AK4: variants seen among roughly 807,000 people sequenced by gnomAD.
AK4 encodes adenylate kinase 4, mitochondrial.
AK4 carries 13 observed loss-of-function variants against 24.6 expected under a neutral mutation model. That is an observed-to-expected ratio of 0.53 (90% CI 0.34 to 0.84). The LOEUF is 0.84. Ranked by LOEUF, AK4 falls within the 40% of genes least tolerant of loss-of-function variation. The pLI is 0.01. For synonymous variants in AK4, 88 were observed against 107.0 expected, an observed-to-expected ratio of 0.82 and a Z score of 1.10; for missense variants, 192 against 288.2, an observed-to-expected ratio of 0.67 and a Z score of 2.42.
intron 1 of AK4, among the ~76,000 whole-genome samples, chr1:65,156,284 C>T (rs1009437313): frequency 7.2e-5 from 11 of 152,032 alleles, no homozygotes; most frequent in African/African-American, 2.7e-4. Context: ...CTGCTTTTAA[C>T]TTTTTTTGGA....
At chr1:65,211,226 G>T (rs1028287236) in intron 2 of AK4, among the ~76,000 whole-genome samples, 11 of 141,216 alleles carry the variant, frequency 7.8e-5, no homozygotes, top group Middle Eastern at 3.5e-3. Flanking sequence ...CTCTGCAGAA[G>T]AGAATGAGAC....
In AK4 at chr1:65,230,529, A is replaced by G. The variant is rs544290693; in HGVS notation, c.*4352A>G. 1.1e-4 allele frequency: 16 copies of G among 152,218 alleles called. No individual in the cohort carries two copies. Among genetic ancestry groups the G allele is most frequent in the Non-Finnish European group, 2.2e-4 (15 of 68,042 alleles). The allele number at this position is 152,218 out of a possible 1,614,324, so 9.4% of individuals were successfully genotyped here. A position where few individuals can be genotyped will look rare whatever the true frequency, so the allele number is the denominator to read the frequency against. ...GTTTACTTCATGTTAGGCACATTAC[A>G]TGCATTGGCTAATCAAATCCTCATC... On this transcript the variant is annotated 3_prime_UTR_variant, in exon 5 of 5. Coordinates refer to ENST00000327299, the MANE Select transcript of AK4 (RefSeq NM_013410.4).
intron 2 of AK4, among the ~76,000 whole-genome samples, chr1:65,194,470 T>A (rs1359064462): frequency 6.6e-6 from 1 of 152,144 alleles, no homozygotes; most frequent in African/African-American, 2.4e-5. Flanking sequence ...CTTGAGTAAT[T>A]TCTTTTTTTT....
chr1:65,156,104 C>T (rs979300201), intron 1 of AK4, among the ~76,000 whole-genome samples: 4 of 152,140 alleles, frequency 2.6e-5, no homozygotes, highest in Non-Finnish European at 5.9e-5. Context: ...GTTAAGTACT[C>T]ATGTATAATT....
chr1:65,186,502 C>G (rs886081912), intron 1 of AK4, among the ~76,000 whole-genome samples: 5 of 152,126 alleles, frequency 3.3e-5, no homozygotes, highest in Non-Finnish European at 7.3e-5. Flanking sequence ...GGCATTGAAC[C>G]AACTGTTTTA....
chr1:65,148,327 C>A lies in AK4; in HGVS notation c.-81C>A. 6.8e-7 allele frequency: 1 copy of A among 1,472,014 alleles called. No homozygotes were observed. The highest frequency in any genetic ancestry group is 9.0e-7 in the Non-Finnish European group (1 of 1,110,712). 91.2% of individuals were successfully genotyped at this position (1,472,014 alleles called of 1,614,324 possible). A position where few individuals can be genotyped will look rare whatever the true frequency, so the allele number is the denominator to read the frequency against. On this transcript the variant is annotated 5_prime_UTR_variant, in exon 1 of 5. Coordinates refer to ENST00000327299, the MANE Select transcript of AK4 (RefSeq NM_013410.4). ...AGCGGAGGGTGCCAGAGGTAGGGGGCCGAGAAACAAAGTTCCCGGGGCTTC... is the reference window on the plus strand; with the variant it reads ...AGCGGAGGGTGCCAGAGGTAGGGGGACGAGAAACAAAGTTCCCGGGGCTTC...
intron 1 of AK4, among the ~76,000 whole-genome samples, chr1:65,172,063 G>GTGTATATATATATATATA (rs1433940516): frequency 7.6e-5 from 5 of 65,746 alleles, no homozygotes; most frequent in Non-Finnish European, 1.6e-4. Flanking sequence ...TCCATCTCAA[G>GTGTATATATATATATATA]TATATATATA....
chr1:65,203,528 G>A (rs1333072407), intron 2 of AK4, among the ~76,000 whole-genome samples: 3 of 152,062 alleles, frequency 2.0e-5, no homozygotes, highest in South Asian at 2.1e-4. Context: ...TCTTGGCCTG[G>A]CGCGATGGCT....
At chr1:65,189,270 A>G (rs1419212969) in intron 1 of AK4, among the ~76,000 whole-genome samples, 4 of 146,582 alleles carry the variant, frequency 2.7e-5, no homozygotes, top group Non-Finnish European at 5.9e-5. Context: ...TGGTCTGTTG[A>G]GAATGTGATT....
At chr1:65,211,476 C>G (rs766286272) in intron 2 of AK4, among the ~76,000 whole-genome samples, 1 of 152,200 alleles carries the variant, frequency 6.6e-6, no homozygotes, top group Non-Finnish European at 1.5e-5. Context: ...GTTTTCTGTT[C>G]AGGAGGAAGA....
At chr1:65,189,347 C>T (rs1300786192) in intron 1 of AK4, among the ~76,000 whole-genome samples, 4 of 140,694 alleles carry the variant, frequency 2.8e-5, no homozygotes, top group Non-Finnish European at 3.1e-5. Context: ...GGCTCAATCT[C>T]GGCTCACTGC....
At chr1:65,208,501 T>C (rs1454239566) in intron 2 of AK4, among the ~76,000 whole-genome samples, 1 of 152,176 alleles carries the variant, frequency 6.6e-6, no homozygotes, top group Admixed American at 6.6e-5. Flanking sequence ...AGTGATTGAT[T>C]GTCATGAACA....
intron 1 of AK4, among the ~76,000 whole-genome samples, chr1:65,190,161 T>G (rs191018832): frequency 6.6e-6 from 1 of 152,222 alleles, no homozygotes; most frequent in East Asian, 1.9e-4. Context: ...AGCTTTTTTA[T>G]GTACCATCCT....
At chr1:65,223,277 C>T (rs1652350202) in intron 3 of AK4, among the ~76,000 whole-genome samples, 1 of 152,058 alleles carries the variant, frequency 6.6e-6, no homozygotes, top group South Asian at 2.1e-4. Context: ...GCAACCTTTG[C>T]CCCTGGGTTC....
At chr1:65,164,149 A>C (rs1008557544) in intron 1 of AK4, among the ~76,000 whole-genome samples, 3 of 152,144 alleles carry the variant, frequency 2.0e-5, no homozygotes, top group African/African-American at 7.2e-5. Context: ...CCCAGGCAAG[A>C]AGGGGTCTTT....
rs1295811775 is a variant in AK4, at chr1:65,229,750, T to C, written c.*3573T>C. 2 of 152,212 alleles carry C rather than the reference T, an allele frequency of 1.3e-5. No homozygotes were observed. Among genetic ancestry groups the C allele is most frequent in the Non-Finnish European group, 2.9e-5 (2 of 68,056 alleles). 9.4% of individuals were successfully genotyped at this position (152,212 alleles called of 1,614,324 possible). A position where few individuals can be genotyped will look rare whatever the true frequency, so the allele number is the denominator to read the frequency against. On this transcript the variant is annotated 3_prime_UTR_variant, in exon 5 of 5. Coordinates refer to ENST00000327299, the MANE Select transcript of AK4 (RefSeq NM_013410.4). ...AAGCTCGTGTTCCTTACCTATCCTTTTGGTGTCCATTGGATTGTGCCCCGA... is the reference window on the plus strand; with the variant it reads ...AAGCTCGTGTTCCTTACCTATCCTTCTGGTGTCCATTGGATTGTGCCCCGA...
At chr1:65,155,571 G>A (rs1005431130) in intron 1 of AK4, among the ~76,000 whole-genome samples, 2 of 151,930 alleles carry the variant, frequency 1.3e-5, no homozygotes, top group African/African-American at 4.8e-5. Context: ...ATATGTATAA[G>A]TTAGCAAAAG....
chr1:65,152,382 ATATTTTTTTTTTTTTTT>A (rs1557434580), intron 1 of AK4, among the ~76,000 whole-genome samples: 68 of 26,718 alleles, frequency 2.5e-3, no homozygotes, highest in African/African-American at 7.4e-3. Flanking sequence ...ATATATATAT[ATATTTTTTTTTTTTTTT>A]TTTTTTTTTT....
At chr1:65,180,246 G>C (rs1214048394) in intron 1 of AK4, among the ~76,000 whole-genome samples, 2 of 152,076 alleles carry the variant, frequency 1.3e-5, no homozygotes, top group Non-Finnish European at 2.9e-5. Flanking sequence ...TCAGAAGTTC[G>C]AGACCAGCCT....
Sources: gnomAD v4.1 joint callset for allele counts (sites outside exome capture counted in the v4.1 genomes callset) on GRCh38, gnomAD v4.1.1 for gene constraint, MANE v1.5 for transcripts, NCBI Gene and HGNC (gene_info 2026-07-23, HGNC 2026-07-21) for gene names.